Variants in TTC28 observed in about 807,000 individuals in gnomAD.
The protein encoded by TTC28 is tetratricopeptide repeat domain 28, also known as tetratricopeptide repeat protein 28.
A neutral mutation model predicts 198.0 loss-of-function variants in TTC28; 61 were observed. That is an observed-to-expected ratio of 0.31 (90% CI 0.25 to 0.38). The LOEUF (loss-of-function observed/expected upper bound fraction) is 0.38, where lower values mean the gene tolerates loss of function less well. TTC28 is among the 10% of genes least tolerant of loss of function. The pLI is 1.00. For synonymous variants in TTC28, 1,171 were observed against 1,297.8 expected (o/e 0.90, Z 2.10); for missense variants, 2,678 against 3,164.0 (o/e 0.85, Z 3.69).
intron 12 of TTC28, among the ~76,000 whole-genome samples, chr22:28,050,911 T>G (rs116734623): frequency 0.011 from 1,625 of 152,282 alleles, 31 homozygotes; most frequent in African/African-American, 0.037. Flanking sequence ...ATCTCCTTAA[T>G]GAGGCAAACT....
chr22:28,124,020 C>T (rs1942855566), intron 6 of TTC28, among the ~76,000 whole-genome samples: 1 of 152,124 alleles, frequency 6.6e-6, no homozygotes, highest in African/African-American at 2.4e-5. Flanking sequence ...ACTTCTACTT[C>T]ATGTCTTTTT....
chr22:28,230,712 G>A (rs1049418646), intron 5 of TTC28, among the ~76,000 whole-genome samples: 4 of 152,166 alleles, frequency 2.6e-5, no homozygotes, highest in African/African-American at 4.8e-5. Context: ...CAGCTGGGAA[G>A]GGTCTGAACA....
intron 2 of TTC28, among the ~76,000 whole-genome samples, chr22:28,487,461 G>A (rs1302242868): frequency 6.6e-6 from 1 of 151,772 alleles, no homozygotes; most frequent in African/African-American, 2.4e-5. Flanking sequence ...TAATAAATTT[G>A]TAATAAAAAC....
intron 11 of TTC28, 130 bp from the exon 12 acceptor site, chr22:28,094,375 C>A (rs921416528): frequency 2.8e-6 from 3 of 1,071,814 alleles, no homozygotes; most frequent in Non-Finnish European, 3.8e-6. Context: ...CAAACCCTGT[C>A]AAAAAATCCT....
At chr22:28,446,805 A>T (rs1322758114) in intron 2 of TTC28, among the ~76,000 whole-genome samples, 1 of 152,228 alleles carries the variant, frequency 6.6e-6, no homozygotes, top group East Asian at 1.9e-4. Context: ...CTAACAGATA[A>T]GGCAAAGAAA....
chr22:28,330,121 G>C (rs2145871642), intron 2 of TTC28, among the ~76,000 whole-genome samples: 1 of 152,268 alleles, frequency 6.6e-6, no homozygotes, highest in South Asian at 2.1e-4. Context: ...TTTTCAAAAA[G>C]AGCCATCAGA....
intron 2 of TTC28, among the ~76,000 whole-genome samples, chr22:28,436,165 T>C (rs1379445605): frequency 6.6e-6 from 1 of 152,202 alleles, no homozygotes; most frequent in Non-Finnish European, 1.5e-5. Flanking sequence ...TATTCAATAT[T>C]GCATTTCTGA....
intron 13 of TTC28, among the ~76,000 whole-genome samples, chr22:28,026,492 T>A (rs1601530925): frequency 6.6e-6 from 1 of 152,050 alleles, no homozygotes; most frequent in East Asian, 1.9e-4. Context: ...TGTTCTATAG[T>A]CATGGAGGCT....
chr22:28,659,857 G>A (rs2051714798), intron 1 of TTC28, among the ~76,000 whole-genome samples: 1 of 151,660 alleles, frequency 6.6e-6, no homozygotes, highest in African/African-American at 2.4e-5. Flanking sequence ...GGAGTGCAGT[G>A]GCATGATCAT....
intron 6 of TTC28, among the ~76,000 whole-genome samples, chr22:28,132,000 T>C (rs1406887609): frequency 6.6e-6 from 1 of 152,176 alleles, no homozygotes; most frequent in Admixed American, 6.5e-5. Flanking sequence ...TTAAGGCCAT[T>C]ATGCCAAGTA....
chr22:28,256,264 A>G (rs2147286398), intron 5 of TTC28, among the ~76,000 whole-genome samples: 1 of 152,112 alleles, frequency 6.6e-6, no homozygotes, highest in African/African-American at 2.4e-5. Context: ...TCTACTAAAG[A>G]TACAAAAATT....
At chr22:28,340,480 A>T (rs1459886423) in intron 2 of TTC28, among the ~76,000 whole-genome samples, 1 of 151,960 alleles carries the variant, frequency 6.6e-6, no homozygotes, top group African/African-American at 2.4e-5. Context: ...AAAAAAAAGA[A>T]AAGAAGAAGA....
At chr22:28,173,818 C>T (rs1485261172) in intron 5 of TTC28, among the ~76,000 whole-genome samples, 3 of 152,140 alleles carry the variant, frequency 2.0e-5, no homozygotes, top group Non-Finnish European at 2.9e-5. Context: ...GATTTAAACA[C>T]GTTTTCCTTC....
intron 2 of TTC28, among the ~76,000 whole-genome samples, chr22:28,539,479 T>G (rs1019586001): frequency 1.3e-5 from 2 of 151,660 alleles, no homozygotes; most frequent in Admixed American, 6.6e-5. Flanking sequence ...TATAAAAATA[T>G]ACAAAACTTA....
intron 6 of TTC28, among the ~76,000 whole-genome samples, chr22:28,134,363 G>A (rs1173374863): frequency 6.6e-6 from 1 of 152,220 alleles, no homozygotes; most frequent in African/African-American, 2.4e-5. Context: ...GACGGAGAAT[G>A]ACTTTGATGA....
At chr22:28,620,352 A>AC (rs1601630553) in intron 2 of TTC28, among the ~76,000 whole-genome samples, 1 of 151,406 alleles carries the variant, frequency 6.6e-6, no homozygotes, top group East Asian at 1.9e-4. Context: ...TCTGTCTCAA[A>AC]AAAAAAAAAA....
intron 12 of TTC28, among the ~76,000 whole-genome samples, chr22:28,032,190 A>AATATATATATATAAAAT (rs1331681080): frequency 2.7e-5 from 2 of 72,978 alleles, no homozygotes; most frequent in Non-Finnish European, 4.8e-5. Context: ...ATATATATAA[A>AATATATATATATAAAAT]ATATATATAT....
At chr22:28,371,708 A>C (rs1338179074) in intron 2 of TTC28, among the ~76,000 whole-genome samples, 2 of 140,190 alleles carry the variant, frequency 1.4e-5, no homozygotes, top group Non-Finnish European at 3.1e-5. Flanking sequence ...CAGCCTCCCG[A>C]ATAGCTGGGA....
intron 2 of TTC28, among the ~76,000 whole-genome samples, chr22:28,352,271 T>C (rs1020264771): frequency 1.3e-5 from 2 of 149,676 alleles, no homozygotes; most frequent in African/African-American, 5.0e-5. Context: ...AAGAACCTGA[T>C]TAATCGAAAA....
Sources: gnomAD v4.1 joint callset for allele counts (sites outside exome capture counted in the v4.1 genomes callset) on GRCh38, gnomAD v4.1.1 for gene constraint, MANE v1.5 for transcripts, NCBI Gene and HGNC (gene_info 2026-07-23, HGNC 2026-07-21) for gene names.